The following ACTR3C variants were observed in gnomAD, a reference collection of about 807,000 sequenced individuals.
ACTR3C encodes actin related protein 3C, also known as actin-related protein 3C.
A neutral mutation model predicts 26.3 loss-of-function variants in ACTR3C; 18 were observed. The observed-to-expected ratio is 0.68, with a 90% confidence interval of 0.47 to 1.01. ACTR3C has a LOEUF of 1.01. Among genes scored for constraint, ACTR3C ranks in the 50% least tolerant of loss-of-function variants. The probability of loss-of-function intolerance (pLI) is 0.00; values close to 1 mark genes in which losing one functional copy is unlikely to be tolerated. For synonymous variants in ACTR3C, 55 were observed against 94.5 expected, an observed-to-expected ratio of 0.58 and a Z score of 2.42; for missense variants, 184 against 250.7, an observed-to-expected ratio of 0.73 and a Z score of 1.80.
chr7:150,231,061 T>C, the ACTR3C span, among the ~76,000 whole-genome samples: 2 of 152,164 alleles, frequency 1.3e-5, no homozygotes, highest in Non-Finnish European at 2.9e-5. Flanking sequence ...TCTTCTCTTA[T>C]ATATTCAGTA....
the ACTR3C span, among the ~76,000 whole-genome samples, chr7:149,982,573 A>AG: frequency 2.0e-5 from 3 of 152,196 alleles, no homozygotes; most frequent in East Asian, 5.8e-4. Flanking sequence ...AAGGAAACTC[A>AG]GCCAGTGCAT....
the ACTR3C span, among the ~76,000 whole-genome samples, chr7:150,105,779 A>G: frequency 1.3e-5 from 2 of 152,064 alleles, no homozygotes; most frequent in Admixed American, 6.6e-5. Context: ...AGGGAGTCCA[A>G]ATGTCTGCTT....
the ACTR3C span, among the ~76,000 whole-genome samples, chr7:150,206,064 A>G: frequency 2.0e-5 from 3 of 152,198 alleles, no homozygotes; most frequent in African/African-American, 7.2e-5. Flanking sequence ...ATTTCACATG[A>G]CTGCATCAGG....
At chr7:150,059,298 T>C in the ACTR3C span, among the ~76,000 whole-genome samples, 14 of 152,348 alleles carry the variant, frequency 9.2e-5, no homozygotes, top group Non-Finnish European at 1.9e-4. Context: ...TTGATGTACC[T>C]AACCTTTAAA....
intron 1 of ACTR3C, among the ~76,000 whole-genome samples, chr7:150,315,129 T>C (rs973589850): frequency 6.8e-6 from 1 of 147,550 alleles, no homozygotes; most frequent in African/African-American, 2.5e-5. Context: ...ATATTATGTA[T>C]AATAAATAAT....
chr7:150,266,114 T>C (rs1834017579), intron 6 of ACTR3C, among the ~76,000 whole-genome samples: 1 of 148,812 alleles, frequency 6.7e-6, no homozygotes, highest in African/African-American at 2.6e-5. Flanking sequence ...TTACTTGTCA[T>C]GTCTCTGTAA....
At chr7:150,144,373 G>C in the ACTR3C span, among the ~76,000 whole-genome samples, 2 of 152,172 alleles carry the variant, frequency 1.3e-5, no homozygotes, top group Admixed American at 1.3e-4. This position sits in a 1 kb window ranked among gnomAD's most constrained non-coding sequence, Gnocchi z 4.6. Flanking sequence ...TAATTTATTT[G>C]AAACGTAAAG....
chr7:150,227,701 G>GTTTTTTTTTTTTTTTTTTTTTTTTTTTT, the ACTR3C span, among the ~76,000 whole-genome samples: 1 of 94,244 alleles, frequency 1.1e-5, no homozygotes, highest in African/African-American at 4.0e-5. Flanking sequence ...TTTTTTTTTT[G>GTTTTTTTTTTTTTTTTTTTTTTTTTTTT]TTTTTTTTTT....
At chr7:150,208,348 A>T in the ACTR3C span, among the ~76,000 whole-genome samples, 1 of 152,214 alleles carries the variant, frequency 6.6e-6, no homozygotes, top group Non-Finnish European at 1.5e-5. Flanking sequence ...AGCTGAATAC[A>T]GAACAGGGCA....
At chr7:150,053,469 T>C in the ACTR3C span, among the ~76,000 whole-genome samples, 1 of 152,274 alleles carries the variant, frequency 6.6e-6, no homozygotes, top group Non-Finnish European at 1.5e-5. Flanking sequence ...AGAAAGCTTG[T>C]GTCTGTTCTC....
the ACTR3C span, among the ~76,000 whole-genome samples, chr7:150,010,472 G>T: frequency 6.6e-6 from 1 of 152,084 alleles, no homozygotes; most frequent in East Asian, 1.9e-4. Flanking sequence ...AAGGCAGGTG[G>T]ATCATGAGGT....
chr7:149,935,739 C>T, the ACTR3C span, among the ~76,000 whole-genome samples: 10 of 148,602 alleles, frequency 6.7e-5, no homozygotes, highest in South Asian at 2.3e-4. Flanking sequence ...CAAAAGCAAA[C>T]AAATAAAACC....
the ACTR3C span, among the ~76,000 whole-genome samples, chr7:149,932,187 C>T: frequency 0.013 from 2,045 of 152,174 alleles, 49 homozygotes; most frequent in African/African-American, 0.045. Flanking sequence ...TTCTATAACA[C>T]GGATGAATCT....
At chr7:149,995,268 T>C in the ACTR3C span, among the ~76,000 whole-genome samples, 1 of 152,258 alleles carries the variant, frequency 6.6e-6, no homozygotes, top group East Asian at 1.9e-4. Context: ...TCACCCCTTT[T>C]CTGATAAGAT....
At chr7:150,041,833 G>A in the ACTR3C span, among the ~76,000 whole-genome samples, 2 of 144,832 alleles carry the variant, frequency 1.4e-5, no homozygotes, top group Non-Finnish European at 3.0e-5. Flanking sequence ...AAGAGCCAGG[G>A]GTGGAAGAGG....
At chr7:150,063,763 C>T in the ACTR3C span, among the ~76,000 whole-genome samples, 28 of 151,998 alleles carry the variant, frequency 1.8e-4, no homozygotes, top group Non-Finnish European at 3.2e-4. Context: ...GTGACCAGGC[C>T]CACTCACCCA....
the ACTR3C span, among the ~76,000 whole-genome samples, chr7:150,039,663 G>A: frequency 2.8e-5 from 4 of 142,374 alleles, no homozygotes; most frequent in East Asian, 8.9e-4. Flanking sequence ...TGGGTCCTAA[G>A]GATCTTAGGA....
chr7:150,125,938 C>T, the ACTR3C span, among the ~76,000 whole-genome samples: 1 of 152,188 alleles, frequency 6.6e-6, no homozygotes, highest in Non-Finnish European at 1.5e-5. Context: ...AGTCCTGCTG[C>T]AGGCTCGGTT....
the ACTR3C span, among the ~76,000 whole-genome samples, chr7:150,042,594 A>C: frequency 2.2e-3 from 296 of 133,576 alleles, 2 homozygotes; most frequent in South Asian, 0.029. Context: ...GCCTCCCCCC[A>C]CTGCGATGGG....
Sources: allele counts gnomAD v4.1 joint callset (sites outside exome capture counted in the v4.1 genomes callset), GRCh38; gene constraint gnomAD v4.1.1; non-coding constraint Gnocchi (gnomAD v3.1); transcripts MANE v1.5; gene names NCBI Gene and HGNC (gene_info 2026-07-23, HGNC 2026-07-21).